The following LDB2 variants were observed in gnomAD, a reference collection of about 807,000 sequenced individuals.
LDB2 encodes the protein LIM domain-binding protein 2.
Under a neutral mutation model 44.3 loss-of-function variants are expected in LDB2, and 12 were observed. That is an observed-to-expected ratio of 0.27 (90% CI 0.17 to 0.44). The LOEUF (loss-of-function observed/expected upper bound fraction) is 0.44, where lower values mean the gene tolerates loss of function less well. LDB2 is among the 20% of genes least tolerant of loss of function. The pLI is 1.00. For synonymous variants in LDB2, 164 were observed against 174.8 expected, an observed-to-expected ratio of 0.94 and a Z score of 0.49; for missense variants, 344 against 473.5, an observed-to-expected ratio of 0.73 and a Z score of 2.54.
chr4:16,523,588 A>G (rs1577363224), intron 5 of LDB2, among the ~76,000 whole-genome samples: 1 of 152,116 alleles, frequency 6.6e-6, no homozygotes, highest in Admixed American at 6.5e-5. Flanking sequence ...TCAGGGACTA[A>G]TGGGTGGATA....
chr4:16,742,664 A>G (rs1246291538), intron 2 of LDB2, among the ~76,000 whole-genome samples: 1 of 152,198 alleles, frequency 6.6e-6, no homozygotes, highest in African/African-American at 2.4e-5. Flanking sequence ...TAGCCAGTAT[A>G]TGAAAAAAGC....
At chr4:16,588,887 T>C (rs1389255133) in intron 3 of LDB2, 55 bp from the exon 4 acceptor site, 2 of 1,601,686 alleles carry the variant, frequency 1.2e-6, no homozygotes, top group Non-Finnish European at 1.7e-6. Context: ...AAGCCACATT[T>C]TGTAACTCAC....
In LDB2 at chr4:16,715,939, G is replaced by T. The variant is rs138870203; in HGVS notation, c.235+43219C>A. Among the ~76,000 whole-genome samples, 8 of 152,192 alleles carry T rather than the reference G, an allele frequency of 5.3e-5. No individual in the cohort carries two copies. The East Asian group carries it at 1.4e-3, about 26-fold the overall frequency. ...TTCACTTAAGGCAGAGTTTATAGCT[G>T]GGTCCCTCTTGTTCTTTAGTAGTAG... On this transcript the variant is annotated intron_variant, in intron 2 of 7. Coordinates refer to ENST00000304523, the MANE Select transcript of LDB2 (RefSeq NM_001290.5).
chr4:16,525,098 C>T (rs1444759295), intron 5 of LDB2, among the ~76,000 whole-genome samples: 8 of 152,226 alleles, frequency 5.3e-5, no homozygotes, highest in African/African-American at 1.7e-4. Flanking sequence ...ATAATCCCTT[C>T]TGAACATTGA....
chr4:16,883,812 C>T (rs193240423), intron 1 of LDB2, among the ~76,000 whole-genome samples: 48 of 152,278 alleles, frequency 3.2e-4, no homozygotes, highest in Admixed American at 2.4e-3. Flanking sequence ...GGCCGCTAAA[C>T]GATTCATGGC....
At chr4:16,553,202 T>C (rs538307702) in intron 5 of LDB2, among the ~76,000 whole-genome samples, 1 of 152,330 alleles carries the variant, frequency 6.6e-6, no homozygotes, top group Non-Finnish European at 1.5e-5. Flanking sequence ...TCGCCTAGGC[T>C]GGAGTGCAGT....
chr4:16,584,267 T>G (rs1422469136), intron 5 of LDB2, among the ~76,000 whole-genome samples: 1 of 152,164 alleles, frequency 6.6e-6, no homozygotes, highest in Non-Finnish European at 1.5e-5. Context: ...GAGCTGATAT[T>G]ATTTTTGGCA....
At chr4:16,608,542 G>T (rs1302539215) in intron 2 of LDB2, among the ~76,000 whole-genome samples, 7 of 152,182 alleles carry the variant, frequency 4.6e-5, no homozygotes, top group African/African-American at 1.2e-4. Context: ...CGGCCTCTGC[G>T]CATTCTATGG....
chr4:16,873,886 T>A (rs1717537193), intron 1 of LDB2, among the ~76,000 whole-genome samples: 2 of 152,224 alleles, frequency 1.3e-5, no homozygotes, highest in Admixed American at 6.5e-5. Flanking sequence ...CAGGAATTAC[T>A]GTTTCCATCC....
At position 16,885,694 on chromosome 4, in the gene LDB2, T is replaced by C. The variant is rs144421790; in HGVS notation, c.132+12660A>G. Among the ~76,000 whole-genome samples, 575 of 152,324 alleles carry C rather than the reference T, an allele frequency of 3.8e-3. 4 individuals are homozygous for C. Among genetic ancestry groups the C allele is most frequent in the African/African-American group, 0.013 (552 of 41,570 alleles). ...TGAATTGTGCTAAAATATTTTGATT[T>C]ATGGACCTTGTGAAAGATTACGTGC... On this transcript the variant is annotated intron_variant, in intron 1 of 7. Coordinates refer to ENST00000304523, the MANE Select transcript of LDB2 (RefSeq NM_001290.5).
rs148870452 is a variant in LDB2 at position 16,502,855 on chromosome 4, C to T, written c.910G>A (p.Glu304Lys). 1 of 1,614,062 alleles carries T rather than the reference C, an allele frequency of 6.2e-7. No homozygotes were observed. The highest frequency in any genetic ancestry group is 8.5e-7 in the Non-Finnish European group (1 of 1,179,964). Residue 304 changes from glutamate to lysine, a missense_variant, in exon 8 of 8, where the codon GAG (glutamate) becomes AAG (lysine). Transcript: ENST00000304523. ...SQVPDVMVVG[E>K]PTLMGGEFGD... is the part of the protein sequence containing the mutation. ...AACTCACCTCCCATCAGAGTTGGCTCTCCTACCACCATCACATCCTGTGAA... is the reference window on the plus strand; with the variant it reads ...AACTCACCTCCCATCAGAGTTGGCTTTCCTACCACCATCACATCCTGTGAA...
At chr4:16,515,519 C>T (rs908495637) in intron 5 of LDB2, among the ~76,000 whole-genome samples, 7 of 152,134 alleles carry the variant, frequency 4.6e-5, no homozygotes, top group Admixed American at 3.9e-4. Flanking sequence ...CTCACCAGAC[C>T]AAAAGGAGTG....
intron 2 of LDB2, among the ~76,000 whole-genome samples, chr4:16,698,034 T>C (rs991408087): frequency 1.4e-4 from 21 of 152,340 alleles, no homozygotes; most frequent in African/African-American, 5.1e-4. Flanking sequence ...AAATGATAAT[T>C]TGTGCCCTGT....
chr4:16,588,895 C>A, intron 3 of LDB2, 63 bp from the exon 4 acceptor site: 1 of 1,583,954 alleles, frequency 6.3e-7, no homozygotes, highest in African/African-American at 1.3e-5. Context: ...TTTTGTAACT[C>A]ACATAGCCAC....
At chr4:16,833,450 T>G (rs752492714) in intron 1 of LDB2, among the ~76,000 whole-genome samples, 162 of 152,208 alleles carry the variant, frequency 1.1e-3, no homozygotes, top group Non-Finnish European at 3.2e-4. Context: ...TTTGTATACT[T>G]ATTGAGTGTC....
At chr4:16,857,574 CG>C (rs1789603581) in intron 1 of LDB2, among the ~76,000 whole-genome samples, 1 of 152,172 alleles carries the variant, frequency 6.6e-6, no homozygotes, top group Non-Finnish European at 1.5e-5. Flanking sequence ...CTCCTGTCCC[CG>C]GACTGCCCTG....
intron 2 of LDB2, among the ~76,000 whole-genome samples, chr4:16,602,321 T>C (rs1304353670): frequency 3.3e-5 from 5 of 152,146 alleles, no homozygotes; most frequent in African/African-American, 1.2e-4. Context: ...AACAAAGCCG[T>C]GCGAAGATCT....
At chr4:16,818,476 T>C (rs1160789634) in intron 1 of LDB2, among the ~76,000 whole-genome samples, 2 of 152,208 alleles carry the variant, frequency 1.3e-5, no homozygotes, top group Admixed American at 6.5e-5. Flanking sequence ...ATTCTGGCAA[T>C]TGAGTCAAAA....
At chr4:16,552,853 G>A (rs1738150412) in intron 5 of LDB2, among the ~76,000 whole-genome samples, 1 of 152,198 alleles carries the variant, frequency 6.6e-6, no homozygotes, top group South Asian at 2.1e-4. Flanking sequence ...AAGGACTGAT[G>A]TTCGTCAGTC....
Sources: allele counts gnomAD v4.1 joint callset (sites outside exome capture counted in the v4.1 genomes callset), GRCh38; gene constraint gnomAD v4.1.1; transcripts MANE v1.5; gene names NCBI Gene and HGNC (gene_info 2026-07-23, HGNC 2026-07-21).